VPS13C: variants seen among roughly 807,000 people sequenced by gnomAD.
The protein encoded by VPS13C is vacuolar protein sorting 13 homolog C.
In VPS13C, 358 loss-of-function variants were observed where a neutral mutation model predicts 456.8. The ratio of observed to expected loss-of-function variants is 0.78; its 90% CI spans 0.72 to 0.86. VPS13C has a LOEUF of 0.86. Ranked by LOEUF, VPS13C falls within the 40% of genes least tolerant of loss-of-function variation. VPS13C has a pLI of 0.00. For missense variants in VPS13C, 4,818 were observed against 4,385.4 expected (o/e 1.10, Z -2.79); for synonymous variants, 1,578 against 1,486.7 (o/e 1.06, Z -1.41).
intron 16 of VPS13C, among the ~76,000 whole-genome samples, chr15:61,993,471 C>A (rs2046287224): frequency 6.6e-6 from 1 of 152,062 alleles, no homozygotes; most frequent in African/African-American, 2.4e-5. Context: ...CAAACCCCAA[C>A]ATTCAACTTC....
At chr15:62,053,858 G>A (rs536652344) in intron 1 of VPS13C, among the ~76,000 whole-genome samples, 1 of 152,300 alleles carries the variant, frequency 6.6e-6, no homozygotes, top group African/African-American at 2.4e-5. Context: ...AAACAGCACG[G>A]GTTCAGTCTG....
intron 14 of VPS13C, 83 bp from the exon 15 acceptor site, chr15:62,007,562 T>A (rs1004948585): frequency 1.6e-6 from 2 of 1,233,062 alleles, no homozygotes; most frequent in Admixed American, 7.0e-5. Context: ...TTAGATCTTA[T>A]GCTGTCAAAT....
chr15:61,876,991 A>G lies in VPS13C; in HGVS notation c.10206T>C (p.Val3402=). The G allele has an allele frequency of 6.2e-7, 1 of 1,608,878 alleles. No homozygotes were observed. The highest frequency in any genetic ancestry group is 8.5e-7 in the Non-Finnish European group (1 of 1,177,036). ...AAATTACCTGTTCACTGTAATGCCT[A>G]ACAACACTCCATATAAGCTGATCTC... The part of the protein sequence containing the change: ...YKRDQLIWSV[V]RHYSEQFLKQ... The change falls in exon 75 of 85, where the codon GTT becomes GTC. Residue 3402 remains valine (V), a synonymous_variant. Coordinates refer to ENST00000644861, the MANE Select transcript of VPS13C (RefSeq NM_020821.3).
intron 67 of VPS13C, among the ~76,000 whole-genome samples, chr15:61,886,111 C>T (rs1170843459): frequency 6.6e-6 from 1 of 152,164 alleles, no homozygotes; most frequent in East Asian, 1.9e-4. Context: ...TGCAATCAGA[C>T]ACAATTCAAT....
chr15:61,961,439 AC>A, intron 35 of VPS13C, 149 bp downstream of exon 35: 3 of 644,474 alleles, frequency 4.7e-6, no homozygotes, highest in East Asian at 3.0e-5. Context: ...ACACACACAC[AC>A]ACAAAACAAT....
chr15:61,904,775 T>A (rs376808976), intron 66 of VPS13C, among the ~76,000 whole-genome samples: 5 of 152,140 alleles, frequency 3.3e-5, no homozygotes, highest in African/African-American at 7.2e-5. Flanking sequence ...GTGCTATATA[T>A]ACAGAATGTA....
intron 61 of VPS13C, 33 bp downstream of exon 61, chr15:61,915,600 C>G: frequency 6.6e-7 from 1 of 1,521,698 alleles, no homozygotes; most frequent in Non-Finnish European, 8.8e-7. Flanking sequence ...AGGAATTTAT[C>G]TGCTTTAACT....
intron 42 of VPS13C, among the ~76,000 whole-genome samples, 193 bp from the exon 43 acceptor site, chr15:61,947,502 C>A (rs890495145): frequency 6.6e-6 from 1 of 151,966 alleles, no homozygotes; most frequent in African/African-American, 2.4e-5. Context: ...TTAGCACGTT[C>A]CCCTTCAAAT....
At chr15:62,008,810 A>C (rs751670710) in intron 13 of VPS13C, 49 bp from the exon 14 acceptor site, 75 of 1,132,998 alleles carry the variant, frequency 6.6e-5, no homozygotes, top group Non-Finnish European at 7.2e-5. Context: ...ATATATAAAA[A>C]AAAGACTAAA....
At position 61,962,323 on chromosome 15, in the gene VPS13C, T is replaced by C. The variant is rs755720076; in HGVS notation, c.3603+48A>G. The C allele has an allele frequency of 6.0e-6, 9 of 1,501,906 alleles. No individual in the cohort carries two copies. The African/African-American group carries it at 7.0e-5, about 12-fold the overall frequency. 93.0% of individuals were successfully genotyped at this position (1,501,906 alleles called of 1,614,324 possible). A position where few individuals can be genotyped will look rare whatever the true frequency, so the allele number is the denominator to read the frequency against. On this transcript the variant is annotated intron_variant, in intron 34 of 84. Coordinates refer to ENST00000644861, the MANE Select transcript of VPS13C (RefSeq NM_020821.3). ...ATTTGCCATCATAATTATCACACTT[T>C]TAAAATATTTCAAAGTTGAAAAATC...
intron 74 of VPS13C, among the ~76,000 whole-genome samples, chr15:61,877,883 T>C (rs1895569746): frequency 6.6e-6 from 1 of 151,998 alleles, no homozygotes; most frequent in Non-Finnish European, 1.5e-5. Context: ...CTGGCCATTA[T>C]ACCGTTAGAA....
At chr15:61,899,430 C>T (rs1338024025) in intron 66 of VPS13C, among the ~76,000 whole-genome samples, 4 of 151,460 alleles carry the variant, frequency 2.6e-5, no homozygotes, top group African/African-American at 7.3e-5. Flanking sequence ...ATATCACCAC[C>T]GATCCCACAC....
intron 8 of VPS13C, 100 bp downstream of exon 8, chr15:62,023,311 T>G: frequency 1.4e-6 from 1 of 706,296 alleles, no homozygotes; most frequent in East Asian, 3.2e-5. Context: ...AAAATTAATC[T>G]CGGATTTAAA....
intron 50 of VPS13C, 85 bp from the exon 51 acceptor site, chr15:61,929,833 T>C (rs1355093030): frequency 7.8e-7 from 1 of 1,285,860 alleles, no homozygotes; most frequent in African/African-American, 1.5e-5. Flanking sequence ...TCAATAATCT[T>C]TATTTCACCT....
At chr15:61,902,723 A>C (rs1175982929) in intron 66 of VPS13C, among the ~76,000 whole-genome samples, 2 of 152,306 alleles carry the variant, frequency 1.3e-5, no homozygotes, top group African/African-American at 4.8e-5. Flanking sequence ...ATATATAACA[A>C]ACCCACAGCT....
chr15:61,880,813 A>C, intron 72 of VPS13C, 30 bp downstream of exon 72: 1 of 1,569,550 alleles, frequency 6.4e-7, no homozygotes. Context: ...TGTTAATTTT[A>C]TATTTTCCCC....
chr15:61,895,992 T>C (rs1156894480), intron 66 of VPS13C, among the ~76,000 whole-genome samples: 2 of 152,132 alleles, frequency 1.3e-5, no homozygotes, highest in African/African-American at 2.4e-5. Context: ...TGATAAATAT[T>C]TGAGATATGA....
intron 1 of VPS13C, among the ~76,000 whole-genome samples, chr15:62,052,566 T>C (rs2048657563): frequency 6.9e-6 from 1 of 145,648 alleles, no homozygotes; most frequent in Non-Finnish European, 1.5e-5. Flanking sequence ...CTAGCTACTG[T>C]GGAGGCTGAG....
rs979138515 is a variant in VPS13C, at chr15:61,981,386, G to A, written c.2122C>T (p.His708Tyr). The A allele has an allele frequency of 7.4e-6, 12 of 1,611,404 alleles. No individual in the cohort carries two copies. The highest frequency in any genetic ancestry group is 5.4e-5 in the African/African-American group (4 of 74,752). ...AAAATCAGAAGATCTGACTTTTCAT[G>A]GTGGAAACCCGTCTGTGGAACTACT... ...YLVVPQTGFHHEKSDLLILDF... is the reference protein window; with the variant it reads ...YLVVPQTGFHYEKSDLLILDF... The change falls in exon 22 of 85, where the codon CAT (histidine) becomes TAT (tyrosine). Residue 708 changes from histidine to tyrosine, a missense_variant. Around this residue, in one of 3 missense-constraint regions of VPS13C, gnomAD observed 4,552 missense variants for 4,130.6 expected, o/e 1.10. Coordinates refer to ENST00000644861, the MANE Select transcript of VPS13C (RefSeq NM_020821.3).
Sources: allele counts gnomAD v4.1 joint callset (sites outside exome capture counted in the v4.1 genomes callset), GRCh38; gene constraint gnomAD v4.1.1; regional missense constraint gnomAD v4.1.1; transcripts MANE v1.5; gene names NCBI Gene and HGNC (gene_info 2026-07-23, HGNC 2026-07-21).